COL5A1: variants seen among roughly 807,000 people sequenced by gnomAD.
COL5A1 encodes collagen type V alpha 1 chain, also known as collagen alpha-1(V) chain.
A neutral mutation model predicts 263.7 loss-of-function variants in COL5A1; 16 were observed. The observed-to-expected ratio is 0.06, with a 90% CI of 0.04 to 0.09. The LOEUF (loss-of-function observed/expected upper bound fraction) is 0.09, where lower values mean the gene tolerates loss of function less well. Among genes scored for constraint, COL5A1 ranks in the 10% least tolerant of loss-of-function variants. The pLI, the probability that COL5A1 is intolerant of heterozygous loss-of-function variation, is 1.00. For missense variants in COL5A1, 2,036 were observed against 2,540.5 expected, an observed-to-expected ratio of 0.80 and a Z score of 4.27; for synonymous variants, 1,012 against 1,004.5, an observed-to-expected ratio of 1.01 and a Z score of -0.14.
intron 1 of COL5A1, among the ~76,000 whole-genome samples, chr9:134,651,746 G>A (rs1204322131): frequency 1.3e-5 from 2 of 152,210 alleles, no homozygotes; most frequent in African/African-American, 2.4e-5. Flanking sequence ...GATGACAGGC[G>A]CGGGACAGAG....
In COL5A1 at chr9:134,681,646, A is replaced by C. The variant is rs1169202728; in HGVS notation, c.110-9266A>C. On this transcript the variant is annotated intron_variant, in intron 1 of 65. Coordinates refer to ENST00000371817, the MANE Select transcript of COL5A1 (RefSeq NM_000093.5). This position sits in a 1 kb window ranked among gnomAD's most constrained non-coding sequence, Gnocchi z 4.3. Reference sequence around the variant, plus strand: ...GACTCCCTTGCAGCCCCAGCATGGCACCAGCCTGCGAGTGACCATGCTCAC... The same window carrying C: ...GACTCCCTTGCAGCCCCAGCATGGCCCCAGCCTGCGAGTGACCATGCTCAC... Among the ~76,000 whole-genome samples the C allele has an allele frequency of 6.6e-6, 1 of 152,146 alleles. No individual in the cohort carries two copies. The highest frequency in any genetic ancestry group is 2.4e-5 in the African/African-American group (1 of 41,430).
rs1379552282 is a variant in COL5A1, at chr9:134,685,202, A to ATCCG, written c.110-5707_110-5706insGTCC. ...CATTCATCCTTCCATCTGTCCATCCATCCATCCATCCACCATCCATTCACC... is the reference window on the plus strand; with the variant it reads ...CATTCATCCTTCCATCTGTCCATCCATCCGTCCATCCATCCACCATCCATTCACC... On this transcript the variant is annotated intron_variant, in intron 1 of 65. Coordinates refer to ENST00000371817, the MANE Select transcript of COL5A1 (RefSeq NM_000093.5). Among the ~76,000 whole-genome samples the ATCCG allele has an allele frequency of 6.3e-5, 9 of 143,748 alleles. No homozygotes were observed. The South Asian group carries it at 1.0e-3, about 16-fold the overall frequency. The allele number at this position is 143,748 out of a possible 152,430, so 94.3% of individuals were successfully genotyped here.
chr9:134,768,196 A>G (rs1408018597), intron 24 of COL5A1, among the ~76,000 whole-genome samples: 1 of 152,240 alleles, frequency 6.6e-6, no homozygotes, highest in Non-Finnish European at 1.5e-5. Flanking sequence ...CCGTTCCTAC[A>G]GCAGAACCTG....
intron 63 of COL5A1, among the ~76,000 whole-genome samples, chr9:134,828,623 C>CACG (rs1255957053): frequency 7.1e-3 from 19 of 2,674 alleles, no homozygotes; most frequent in East Asian, 0.023. Flanking sequence ...ACACCACACA[C>CACG]ATACCACACA....
At chr9:134,752,741 G>A in intron 14 of COL5A1, 96 bp downstream of exon 14, 1 of 992,188 alleles carries the variant, frequency 1.0e-6, no homozygotes, top group Admixed American at 1.9e-5. Flanking sequence ...CTGGGGTCCT[G>A]TGGACACAGA....
rs187683607 is a variant in COL5A1 at position 134,742,264 on chromosome 9, G to C, written c.1494+3456G>C. 1.9e-3 allele frequency among the ~76,000 whole-genome samples: 291 copies of C among 150,850 alleles called. 2 individuals are homozygous for C. The highest frequency in any genetic ancestry group is 0.016 in the Admixed American group (238 of 15,194). On this transcript the variant is annotated intron_variant, in intron 11 of 65. Transcript: ENST00000371817. This position sits in a 1 kb window ranked among gnomAD's most constrained non-coding sequence, Gnocchi z 4.6. ...GCTGCCCGCAGGGAGCAGAGTGCAA[G>C]GAGAGGCACAGAAGTGGGGCCTGCC...
At chr9:134,733,398 A>G (rs3109679) in intron 9 of COL5A1, among the ~76,000 whole-genome samples, 40,274 of 152,050 alleles carry the variant, frequency 0.26, 5,780 homozygotes, top group African/African-American at 0.36. Flanking sequence ...AAGCGTCTGG[A>G]TGGCTCTTGT....
chr9:134,651,181 G>A (rs557816533), intron 1 of COL5A1, among the ~76,000 whole-genome samples: 198 of 152,322 alleles, frequency 1.3e-3, no homozygotes, highest in African/African-American at 4.6e-3. Flanking sequence ...CCTTTCAGAT[G>A]CATAAAAATG....
At position 134,680,859 on chromosome 9, in the gene COL5A1, C is replaced by T. The variant is rs1397007570; in HGVS notation, c.110-10053C>T. Among the ~76,000 whole-genome samples the T allele has an allele frequency of 2.0e-5, 3 of 152,258 alleles. No homozygotes were observed. The highest frequency in any genetic ancestry group is 2.0e-4 in the Admixed American group (3 of 15,290). On this transcript the variant is annotated intron_variant, in intron 1 of 65. Transcript: ENST00000371817. This position sits in a 1 kb window ranked among gnomAD's most constrained non-coding sequence, Gnocchi z 5.9. ...CTTTTAGGTGGGTGCATGGAACCTG[C>T]TTTGGCGAAGTGGCAGTGAGCGCAG...
At chr9:134,697,142 T>C (rs1833507942) in intron 2 of COL5A1, among the ~76,000 whole-genome samples, 1 of 151,408 alleles carries the variant, frequency 6.6e-6, no homozygotes. Context: ...CTTGGAGAAA[T>C]GAAACATGAA....
intron 14 of COL5A1, 43 bp from the exon 15 acceptor site, chr9:134,753,785 CAGCCCTTCCTGTGTTCTCGAGT>C: frequency 9.2e-7 from 1 of 1,081,800 alleles, no homozygotes; most frequent in East Asian, 2.5e-5. Context: ...CTGCCACCCC[CAGCCCTTCCTGTGTTCTCGAGT>C]CCCCACCTCG....
At chr9:134,729,291 C>T (rs900192630) in intron 6 of COL5A1, among the ~76,000 whole-genome samples, 6 of 152,268 alleles carry the variant, frequency 3.9e-5, no homozygotes, top group Non-Finnish European at 5.9e-5. Flanking sequence ...GGTGCGTGAG[C>T]GGCAGTGAGA....
At chr9:134,836,825 G>A (rs893929255) in intron 65 of COL5A1, among the ~76,000 whole-genome samples, 1 of 152,244 alleles carries the variant, frequency 6.6e-6, no homozygotes, top group Non-Finnish European at 1.5e-5. Flanking sequence ...CTCAGCGGGG[G>A]CCGCCCTCAC....
At chr9:134,780,441 GC>G (rs1425494265) in intron 28 of COL5A1, among the ~76,000 whole-genome samples, 2 of 152,180 alleles carry the variant, frequency 1.3e-5, no homozygotes, top group African/African-American at 4.8e-5. Flanking sequence ...ACAACACACG[GC>G]CCCCCACGTG....
At position 134,765,849 on chromosome 9, in the gene COL5A1, G is replaced by A. The variant is rs968803976; in HGVS notation, c.2088+115G>A. 15 of 818,884 alleles carry A rather than the reference G, an allele frequency of 1.8e-5. No homozygotes were observed. The highest frequency in any genetic ancestry group is 8.3e-5 in the South Asian group (5 of 60,144). The allele number at this position is 818,884 out of a possible 1,614,324, so 50.7% of individuals were successfully genotyped here. The stretch of plus-strand genomic sequence containing the variant: ...GCAAGTCCGTGCTGGCCCCTCTGGC[G>A]CCTGCCTGCTGCCAGTGTGAGGCGT... On this transcript the variant is annotated intron_variant, in intron 21 of 65. Transcript: ENST00000371817. The surrounding 1 kb of genome is among the most constrained non-coding windows in gnomAD (Gnocchi z 5.1).
chr9:134,810,130 G>T (rs890412449), intron 43 of COL5A1, 125 bp from the exon 44 acceptor site: 1 of 1,012,524 alleles, frequency 9.9e-7, no homozygotes, highest in Non-Finnish European at 1.6e-6. Flanking sequence ...TTATTCGTAG[G>T]AAAGTTTTAG....
rs544261206 is a variant in COL5A1, at chr9:134,686,504, G to A, written c.110-4408G>A. On this transcript the variant is annotated intron_variant, in intron 1 of 65. Coordinates refer to ENST00000371817, the MANE Select transcript of COL5A1 (RefSeq NM_000093.5). The surrounding 1 kb of genome is among the most constrained non-coding windows in gnomAD (Gnocchi z 4.6). The stretch of plus-strand genomic sequence containing the variant: ...CGAGCTCAAGCCATCTGCCTGCCTC[G>A]GCCTCCCAAAGTGCTGGGATTCCAG... Among the ~76,000 whole-genome samples the A allele has an allele frequency of 3.9e-5, 6 of 152,118 alleles. No homozygotes were observed. In the South Asian group the frequency reaches 8.3e-4, roughly 21 times the overall value.
At chr9:134,718,024 G>T (rs1321012417) in intron 4 of COL5A1, among the ~76,000 whole-genome samples, 1 of 152,156 alleles carries the variant, frequency 6.6e-6, no homozygotes, top group Non-Finnish European at 1.5e-5. Context: ...CCGCGGCCAC[G>T]GGAGCCTCTA....
At position 134,725,961 on chromosome 9, in the gene COL5A1, A is replaced by G. The variant is rs565273763; in HGVS notation, c.655-1305A>G. Among the ~76,000 whole-genome samples the G allele has an allele frequency of 2.0e-5, 3 of 152,284 alleles. No individual in the cohort carries two copies. In the South Asian group the frequency reaches 6.2e-4, roughly 32 times the overall value. On this transcript the variant is annotated intron_variant, in intron 4 of 65. Coordinates refer to ENST00000371817, the MANE Select transcript of COL5A1 (RefSeq NM_000093.5). ...AGTCCCTGTTTTGTTTGGAGGGTGA[A>G]CTGATTTGGGTGAATTGTTTATGCA...
Sources: allele counts gnomAD v4.1 joint callset (sites outside exome capture counted in the v4.1 genomes callset), GRCh38; gene constraint gnomAD v4.1.1; non-coding constraint Gnocchi (gnomAD v3.1); transcripts MANE v1.5; gene names NCBI Gene and HGNC (gene_info 2026-07-23, HGNC 2026-07-21).